KIAA1217: variants seen among roughly 807,000 people sequenced by gnomAD.
KIAA1217 encodes KIAA1217.
Under a neutral mutation model 163.9 loss-of-function variants are expected in KIAA1217, and 88 were observed. The ratio of observed to expected loss-of-function variants is 0.54; its 90% CI spans 0.45 to 0.64. KIAA1217 has a LOEUF of 0.64. Ranked by LOEUF, KIAA1217 falls within the 30% of genes least tolerant of loss-of-function variation. The pLI, the probability that KIAA1217 is intolerant of heterozygous loss-of-function variation, is 0.00. For synonymous variants in KIAA1217, 903 were observed against 923.1 expected (o/e 0.98, Z 0.39); for missense variants, 2,372 against 2,475.0 (o/e 0.96, Z 0.88).
At chr10:23,829,726 G>C (rs750354282) in intron 1 of KIAA1217, among the ~76,000 whole-genome samples, 3 of 152,132 alleles carry the variant, frequency 2.0e-5, no homozygotes, top group Admixed American at 6.6e-5. Flanking sequence ...ACTGCCTTCT[G>C]TGTACTCAGT....
intron 2 of KIAA1217, among the ~76,000 whole-genome samples, chr10:24,369,881 A>G (rs13377176): frequency 0.2 from 30,810 of 152,020 alleles, 3,962 homozygotes; most frequent in East Asian, 0.37. Context: ...TCAACATTTT[A>G]CTTGTTGATA....
intron 2 of KIAA1217, among the ~76,000 whole-genome samples, chr10:24,019,198 A>G (rs932917940): frequency 6.6e-6 from 1 of 152,130 alleles, no homozygotes; most frequent in African/African-American, 2.4e-5. Flanking sequence ...AGATTTTAAA[A>G]TGTTCTCATC....
chr10:23,890,381 G>A (rs751933033), intron 1 of KIAA1217, among the ~76,000 whole-genome samples: 7 of 151,440 alleles, frequency 4.6e-5, no homozygotes, highest in Non-Finnish European at 5.9e-5. Context: ...TTTCTTCTGA[G>A]CAATGCTTTA....
intron 2 of KIAA1217, among the ~76,000 whole-genome samples, chr10:24,301,145 G>A (rs1003976180): frequency 5.3e-5 from 8 of 152,204 alleles, no homozygotes; most frequent in Admixed American, 3.9e-4. Context: ...TTTTGAGCCC[G>A]GCAATCTCAG....
At chr10:24,500,596 G>A (rs1312054141) in intron 8 of KIAA1217, among the ~76,000 whole-genome samples, 2 of 152,136 alleles carry the variant, frequency 1.3e-5, no homozygotes, top group Admixed American at 6.5e-5. Context: ...AAGGGATTCA[G>A]GACAGTACCC....
intron 1 of KIAA1217, among the ~76,000 whole-genome samples, chr10:23,888,101 A>T (rs1209252895): frequency 2.0e-5 from 3 of 151,940 alleles, no homozygotes; most frequent in African/African-American, 7.2e-5. Flanking sequence ...TCAAGTTTGC[A>T]ATTGTTTTTG....
At chr10:23,830,666 ATAGGTAGG>A (rs143607296) in intron 1 of KIAA1217, among the ~76,000 whole-genome samples, 61 of 147,868 alleles carry the variant, frequency 4.1e-4, no homozygotes, top group African/African-American at 8.8e-4. Context: ...ATGAGAAATC[ATAGGTAGG>A]TAGGTAGGTA....
intron 15 of KIAA1217, 67 bp downstream of exon 15, chr10:24,532,060 T>C: frequency 1.5e-6 from 2 of 1,351,048 alleles, no homozygotes; most frequent in Non-Finnish European, 1.9e-6. Flanking sequence ...CAAGGTTCTC[T>C]CTGTTGGAAC....
intron 2 of KIAA1217, among the ~76,000 whole-genome samples, chr10:24,366,824 T>A (rs1031967206): frequency 6.6e-6 from 1 of 152,216 alleles, no homozygotes; most frequent in African/African-American, 2.4e-5. Flanking sequence ...TGGGACAACC[T>A]CAGGGATGGT....
intron 2 of KIAA1217, among the ~76,000 whole-genome samples, chr10:24,315,332 C>T (rs144982578): frequency 7.9e-5 from 12 of 152,260 alleles, no homozygotes; most frequent in East Asian, 3.9e-4. Flanking sequence ...AATGATCTCC[C>T]GCTTCAGAAA....
At chr10:24,209,767 G>A (rs561103076) in intron 1 of KIAA1217, among the ~76,000 whole-genome samples, 1 of 152,208 alleles carries the variant, frequency 6.6e-6, no homozygotes, top group Non-Finnish European at 1.5e-5. Context: ...CCGAGCAGCA[G>A]GGGAGGGCTT....
chr10:24,196,010 C>A (rs2066969500), intron 2 of KIAA1217, among the ~76,000 whole-genome samples: 1 of 151,660 alleles, frequency 6.6e-6, no homozygotes. Context: ...TGGTGTGCAC[C>A]TGTAGTTCCA....
chr10:23,878,494 A>G (rs142787117), intron 1 of KIAA1217, among the ~76,000 whole-genome samples: 1 of 151,926 alleles, frequency 6.6e-6, no homozygotes, highest in African/African-American at 2.4e-5. Context: ...TCTATTTCAG[A>G]TGGGAAGCCC....
intron 2 of KIAA1217, among the ~76,000 whole-genome samples, chr10:24,248,698 T>G (rs944204760): frequency 9.0e-6 from 1 of 111,150 alleles, no homozygotes; most frequent in African/African-American, 3.5e-5. Flanking sequence ...AAAAAAAAAA[T>G]GTCCCTCATA....
intron 1 of KIAA1217, among the ~76,000 whole-genome samples, chr10:24,002,776 T>A (rs567353068): frequency 1.3e-5 from 2 of 152,158 alleles, no homozygotes; most frequent in Non-Finnish European, 2.9e-5. Flanking sequence ...CTGTACCCAG[T>A]GTGTAGTCTT....
At chr10:24,487,188 T>C (rs2065511419) in intron 6 of KIAA1217, among the ~76,000 whole-genome samples, 1 of 152,246 alleles carries the variant, frequency 6.6e-6, no homozygotes, top group Admixed American at 6.5e-5. Flanking sequence ...TCACCTATTA[T>C]AAGAACTTGT....
chr10:24,114,335 TATA>T (rs965048714), intron 2 of KIAA1217, among the ~76,000 whole-genome samples: 5 of 151,414 alleles, frequency 3.3e-5, no homozygotes, highest in East Asian at 1.9e-4. Flanking sequence ...AAACTTAAAG[TATA>T]ATAATAATAA....
chr10:24,314,214 C>A (rs936175427), intron 2 of KIAA1217, among the ~76,000 whole-genome samples: 1 of 152,250 alleles, frequency 6.6e-6, no homozygotes, highest in African/African-American at 2.4e-5. Context: ...CTGTCCAATG[C>A]CTACTGTAGC....
intron 6 of KIAA1217, among the ~76,000 whole-genome samples, chr10:24,487,648 T>G (rs1365800119): frequency 4.2e-3 from 1 of 236 alleles, no homozygotes; most frequent in Non-Finnish European, 0.025. Context: ...TTTTGCCTGT[T>G]TTTTTTACAG....
Sources: allele counts gnomAD v4.1 joint callset (sites outside exome capture counted in the v4.1 genomes callset), GRCh38; gene constraint gnomAD v4.1.1; transcripts MANE v1.5; gene names NCBI Gene and HGNC (gene_info 2026-07-23, HGNC 2026-07-21).